The following FBXW11 variants were observed in gnomAD, a reference collection of about 807,000 sequenced individuals.
FBXW11 encodes the protein F-box and WD repeat domain containing 11.
In FBXW11, 19 loss-of-function variants were observed where a neutral mutation model predicts 77.6. The ratio of observed to expected loss-of-function variants is 0.24; its 90% CI spans 0.17 to 0.36. FBXW11 has a LOEUF of 0.36. FBXW11 is among the 10% of genes least tolerant of loss of function. The pLI is 1.00. For synonymous variants in FBXW11, 235 were observed against 249.4 expected (o/e 0.94, Z 0.54); for missense variants, 334 against 704.2 (o/e 0.47, Z 5.95).
chr5:171,999,771 C>T, intron 1 of FBXW11, among the ~76,000 whole-genome samples: 1 of 152,084 alleles, frequency 6.6e-6, no homozygotes, highest in East Asian at 1.9e-4. Context: ...TGGTTTCCTA[C>T]ATTCAATATG....
In FBXW11 at chr5:171,891,549, C is replaced by T. The variant is rs1177616249; in HGVS notation, c.770G>A (p.Arg257His). The T allele has an allele frequency of 4.3e-6, 7 of 1,610,728 alleles. No individual in the cohort carries two copies. Among genetic ancestry groups the T allele is most frequent in the Non-Finnish European group, 5.1e-6 (6 of 1,178,976 alleles). Reference protein sequence around the residue: ...GRHNLQRIQCRSENSKGVYCL... With the variant: ...GRHNLQRIQCHSENSKGVYCL... ...GTAGACACCTTTACTATTTTCAGAG[C>T]GGCACTGAATCCTCTGCAAGTTGTG... The change falls in exon 7 of 14, where the codon CGC becomes CAC. Residue 257 changes from arginine (R) to histidine (H), a missense_variant. Physicochemically the swap from Arg to His is conservative, Grantham distance 29. This residue lies in a region of FBXW11 where 70 missense variants were observed against 136.6 expected (regional missense o/e 0.51). Coordinates refer to ENST00000517395, the MANE Select transcript of FBXW11 (RefSeq NM_001378974.1).
chr5:171,899,768 T>A (rs1385764412), intron 5 of FBXW11, 146 bp downstream of exon 5: 2 of 679,932 alleles, frequency 2.9e-6, no homozygotes, highest in African/African-American at 3.6e-5. Flanking sequence ...CAGCTTTAAC[T>A]TTTTCTTCCA....
chr5:171,955,816 C>CA (rs57350427), intron 2 of FBXW11, among the ~76,000 whole-genome samples: 195 of 133,816 alleles, frequency 1.5e-3, no homozygotes, highest in African/African-American at 3.1e-3. Context: ...CCAATCAAGG[C>CA]AAAAAAAAAA....
chr5:171,989,469 A>C (rs1437568740), intron 1 of FBXW11, among the ~76,000 whole-genome samples: 1 of 152,266 alleles, frequency 6.6e-6, no homozygotes, highest in Non-Finnish European at 1.5e-5. Context: ...CCTATGATGA[A>C]GCATTCTCGT....
chr5:171,876,354 C>A lies in FBXW11; in HGVS notation c.1152G>T (p.Arg384=). 1 of 1,614,190 alleles carries A rather than the reference C, an allele frequency of 6.2e-7. No individual in the cohort carries two copies. Among genetic ancestry groups the A allele is most frequent in the Non-Finnish European group, 8.5e-7 (1 of 1,180,024 alleles). ...CAAAGTCTACTACATTGACGGCAGC[C>A]CGGTGGCCAACCAGGACACGGCGTA... ...ITLRRVLVGH[R]AAVNVVDFDD... The change falls in exon 9 of 14, where the codon CGG becomes CGT. Residue 384 remains arginine, a synonymous_variant. Coordinates refer to ENST00000517395, the MANE Select transcript of FBXW11 (RefSeq NM_001378974.1). The surrounding 1 kb of genome is among the most constrained non-coding windows in gnomAD (Gnocchi z 4.2).
chr5:172,005,702 C>T (rs942416959), intron 1 of FBXW11, among the ~76,000 whole-genome samples: 20 of 152,016 alleles, frequency 1.3e-4, no homozygotes, highest in Admixed American at 1.3e-4. Context: ...ATGAGGATGG[C>T]TCCCTCCCCA....
intron 2 of FBXW11, among the ~76,000 whole-genome samples, chr5:171,955,860 A>G (rs540119702): frequency 3.7e-4 from 57 of 152,298 alleles, no homozygotes; most frequent in African/African-American, 1.3e-3. Context: ...GAATTTCACT[A>G]AGAAAGATGA....
Position 171,900,029 on chromosome 5 carries a change from G to C in FBXW11, c.508C>G (p.Leu170Val), listed in dbSNP as rs1760009270. 1.2e-6 allele frequency: 2 copies of C among 1,613,736 alleles called. No homozygotes were observed. The highest frequency in any genetic ancestry group is 1.7e-6 in the Non-Finnish European group (2 of 1,179,756). ...ACTCGCTGCCATTCTTTACATACCA[G>C]CTCTGCTGCACACAGAGACCTGGCA... ...LDARSLCAAE[L>V]VCKEWQRVIS... The change falls in exon 5 of 14, where the codon CTG (leucine) becomes GTG (valine). Residue 170 changes from leucine (L) to valine (V), a missense_variant. Leu to Val is a conservative substitution (Grantham distance 32, BLOSUM62 1). Coordinates refer to ENST00000517395, the MANE Select transcript of FBXW11 (RefSeq NM_001378974.1).
At chr5:171,893,907 T>C (rs762093568) in intron 6 of FBXW11, among the ~76,000 whole-genome samples, 1 of 152,086 alleles carries the variant, frequency 6.6e-6, no homozygotes, top group Non-Finnish European at 1.5e-5. Flanking sequence ...TGCTCTATAT[T>C]TCAATGACTA....
At chr5:171,986,870 C>A (rs1023455565) in intron 1 of FBXW11, among the ~76,000 whole-genome samples, 6 of 152,126 alleles carry the variant, frequency 3.9e-5, no homozygotes, top group African/African-American at 1.4e-4. Flanking sequence ...CAGTCTGTGA[C>A]CTATTAAGAA....
At chr5:171,893,437 A>AAAAAAAAAAAAAAAAAAAAAC (rs1561656944) in intron 6 of FBXW11, among the ~76,000 whole-genome samples, 4 of 146,894 alleles carry the variant, frequency 2.7e-5, no homozygotes, top group Admixed American at 6.8e-5. Context: ...AAAAAAAAAA[A>AAAAAAAAAAAAAAAAAAAAAC]AAAAAAAAAA....
chr5:171,897,587 T>C lies in FBXW11; in HGVS notation c.714+1417A>G, dbSNP rs191914045. ...ACATTGTCAATTCTAACAGCAGTCATGAGGATTCAATCAAACTATCTATGT... is the reference window on the plus strand; with the variant it reads ...ACATTGTCAATTCTAACAGCAGTCACGAGGATTCAATCAAACTATCTATGT... On this transcript the variant is annotated intron_variant, in intron 6 of 13. Transcript: ENST00000517395. Among the ~76,000 whole-genome samples, 20 of 152,332 alleles carry C rather than the reference T, an allele frequency of 1.3e-4. No homozygotes were observed. In the Middle Eastern group the frequency reaches 0.01, roughly 78 times the overall value.
At chr5:171,915,689 AAC>A (rs1761185289) in intron 2 of FBXW11, among the ~76,000 whole-genome samples, 2 of 142,736 alleles carry the variant, frequency 1.4e-5, no homozygotes, top group African/African-American at 5.1e-5. Flanking sequence ...AACAAATACA[AAC>A]ACACAGAGTT....
chr5:171,931,097 T>G (rs1052657328), intron 2 of FBXW11, among the ~76,000 whole-genome samples: 2 of 152,152 alleles, frequency 1.3e-5, no homozygotes, highest in Non-Finnish European at 2.9e-5. Flanking sequence ...CATCAGTTCT[T>G]CCCAACTGGA....
At chr5:171,987,553 C>T (rs556474187) in intron 1 of FBXW11, among the ~76,000 whole-genome samples, 3 of 152,144 alleles carry the variant, frequency 2.0e-5, no homozygotes, top group African/African-American at 7.2e-5. Context: ...CGGGTTCAAG[C>T]GATTCTCTTT....
chr5:171,990,593 G>C (rs1765681798), intron 1 of FBXW11, among the ~76,000 whole-genome samples: 1 of 152,066 alleles, frequency 6.6e-6, no homozygotes, highest in African/African-American at 2.4e-5. Flanking sequence ...GTCCAAACTG[G>C]TTACCCAAAT....
At chr5:171,960,999 G>A (rs537529276) in intron 1 of FBXW11, among the ~76,000 whole-genome samples, 22 of 152,182 alleles carry the variant, frequency 1.4e-4, no homozygotes, top group Non-Finnish European at 2.5e-4. Flanking sequence ...AATGATGCCA[G>A]TATTTATTAG....
At chr5:171,932,460 A>C (rs547069431) in intron 2 of FBXW11, among the ~76,000 whole-genome samples, 1 of 152,260 alleles carries the variant, frequency 6.6e-6, no homozygotes, top group East Asian at 1.9e-4. Flanking sequence ...ATCAAATAGT[A>C]AGGCCACTTT....
intron 4 of FBXW11, among the ~76,000 whole-genome samples, chr5:171,907,210 T>C (rs1195421014): frequency 3.3e-5 from 5 of 152,196 alleles, no homozygotes; most frequent in Non-Finnish European, 5.9e-5. Context: ...ACCACAAACA[T>C]TTTCCATTTT....
Sources: allele counts gnomAD v4.1 joint callset (sites outside exome capture counted in the v4.1 genomes callset), GRCh38; gene constraint gnomAD v4.1.1; regional missense constraint gnomAD v4.1.1; non-coding constraint Gnocchi (gnomAD v3.1); transcripts MANE v1.5; gene names NCBI Gene and HGNC (gene_info 2026-07-23, HGNC 2026-07-21).